NEDD4L: variants seen among roughly 807,000 people sequenced by gnomAD.
NEDD4L encodes the protein NEDD4 like E3 ubiquitin protein ligase.
In NEDD4L, 54 loss-of-function variants were observed where a neutral mutation model predicts 148.9. That is an observed-to-expected ratio of 0.36 (90% CI 0.29 to 0.45). The LOEUF (loss-of-function observed/expected upper bound fraction) is 0.45, where lower values mean the gene tolerates loss of function less well. Ranked by LOEUF, NEDD4L falls within the 20% of genes least tolerant of loss-of-function variation. The pLI, the probability that NEDD4L is intolerant of heterozygous loss-of-function variation, is 1.00. For synonymous variants in NEDD4L, 433 were observed against 440.7 expected (o/e 0.98, Z 0.22); for missense variants, 856 against 1,233.8 (o/e 0.69, Z 4.59).
Position 58,399,266 on chromosome 18 carries a change from G to T in NEDD4L, c.*2997G>T, listed in dbSNP as rs1259745447. 1 of 152,158 alleles carries T rather than the reference G, an allele frequency of 6.6e-6. No homozygotes were observed. Among genetic ancestry groups the T allele is most frequent in the African/African-American group, 2.4e-5 (1 of 41,422 alleles). The allele number at this position is 152,158 out of a possible 1,614,324, so 9.4% of individuals were successfully genotyped here. Reference sequence around the variant, plus strand: ...GTGAGGCATTCATTGTCTGTGTTGCGGTGTATTCCCAGCTTCAGTGCTCTT... The same window carrying T: ...GTGAGGCATTCATTGTCTGTGTTGCTGTGTATTCCCAGCTTCAGTGCTCTT... On this transcript the variant is annotated 3_prime_UTR_variant, in exon 31 of 31. Transcript: ENST00000400345.
rs1327638973 is a variant in NEDD4L at position 58,374,119 on chromosome 18, T to C, written c.2352+850T>C. Among the ~76,000 whole-genome samples, 3 of 152,360 alleles carry C rather than the reference T, an allele frequency of 2.0e-5. No individual in the cohort carries two copies. The East Asian group carries it at 5.8e-4, about 29-fold the overall frequency. The stretch of plus-strand genomic sequence containing the variant: ...TCTGAAAAATGAAATAGACGTGTTC[T>C]TTATTGCTAGATGTCAAAGATTGCT... On this transcript the variant is annotated intron_variant, in intron 24 of 30. Transcript: ENST00000400345.
chr18:58,295,928 G>A (rs1298223355), intron 5 of NEDD4L, among the ~76,000 whole-genome samples: 1 of 152,086 alleles, frequency 6.6e-6, no homozygotes, highest in African/African-American at 2.4e-5. Context: ...GAAGGAGTTT[G>A]GTTTGGTGAG....
intron 11 of NEDD4L, among the ~76,000 whole-genome samples, chr18:58,333,416 C>T (rs1313512191): frequency 6.6e-6 from 1 of 152,136 alleles, no homozygotes; most frequent in African/African-American, 2.4e-5. Context: ...TGTTGGGTAG[C>T]CACATATCAC....
intron 1 of NEDD4L, among the ~76,000 whole-genome samples, chr18:58,157,285 T>C (rs2035624862): frequency 6.6e-6 from 1 of 152,188 alleles, no homozygotes; most frequent in Admixed American, 6.5e-5. Context: ...CTATCCTGGC[T>C]ACTTAAAATG....
intron 5 of NEDD4L, among the ~76,000 whole-genome samples, chr18:58,300,599 T>A (rs188900002): frequency 6.6e-6 from 1 of 152,336 alleles, no homozygotes; most frequent in African/African-American, 2.4e-5. Flanking sequence ...TTCTCAGTGC[T>A]CAGTTCTCAG....
At chr18:58,309,780 C>T (rs977759868) in intron 5 of NEDD4L, among the ~76,000 whole-genome samples, 2 of 151,988 alleles carry the variant, frequency 1.3e-5, no homozygotes, top group Non-Finnish European at 2.9e-5. Flanking sequence ...GGGCAGAGAA[C>T]TGAGTGTTCT....
In NEDD4L at chr18:58,052,209, G is replaced by A. The variant is rs1709461951; in HGVS notation, c.48+7501G>A. Among the ~76,000 whole-genome samples the A allele has an allele frequency of 3.9e-5, 6 of 152,330 alleles. 1 individual carries two copies. In the South Asian group the frequency reaches 1.0e-3, roughly 26 times the overall value. On this transcript the variant is annotated intron_variant, in intron 1 of 30. Coordinates refer to ENST00000400345, the MANE Select transcript of NEDD4L (RefSeq NM_001144967.3). ...GCTGATAATTATCACAACTACTGGTGTTTGATTAGCAGAGACATTCTTGAT... is the reference window on the plus strand; with the variant it reads ...GCTGATAATTATCACAACTACTGGTATTTGATTAGCAGAGACATTCTTGAT...
intron 2 of NEDD4L, among the ~76,000 whole-genome samples, chr18:58,177,690 G>A (rs879801841): frequency 2.6e-5 from 4 of 152,300 alleles, no homozygotes; most frequent in Admixed American, 6.5e-5. Flanking sequence ...TTTTAAAAAC[G>A]CACAATCTTG....
chr18:58,358,407 G>A lies in NEDD4L; in HGVS notation c.1767+1155G>A, dbSNP rs567534082. 2.0e-5 allele frequency among the ~76,000 whole-genome samples: 3 copies of A among 152,094 alleles called. No homozygotes were observed. In the East Asian group the frequency reaches 5.8e-4, roughly 29 times the overall value. On this transcript the variant is annotated intron_variant, in intron 19 of 30. Coordinates refer to ENST00000400345, the MANE Select transcript of NEDD4L (RefSeq NM_001144967.3). ...ATATTCGCAGTCACAGTTGTTTATTGGAATATTATTTTCTCTTCTACATCA... is the reference window on the plus strand; with the variant it reads ...ATATTCGCAGTCACAGTTGTTTATTAGAATATTATTTTCTCTTCTACATCA...
intron 5 of NEDD4L, among the ~76,000 whole-genome samples, chr18:58,280,608 ACCTGTGTGCTTC>A (rs1309546566): frequency 1.3e-5 from 2 of 152,188 alleles, no homozygotes; most frequent in African/African-American, 2.4e-5. Context: ...CGAGGAAGCT[ACCTGTGTGCTTC>A]CACTAGGAAA....
At chr18:58,155,819 G>C (rs1464899906) in intron 1 of NEDD4L, among the ~76,000 whole-genome samples, 3 of 152,202 alleles carry the variant, frequency 2.0e-5, no homozygotes, top group African/African-American at 4.8e-5. Context: ...TTTGAACTGC[G>C]GCGTTGCTTT....
At chr18:58,393,532 G>A (rs968769311) in intron 30 of NEDD4L, among the ~76,000 whole-genome samples, 4 of 152,200 alleles carry the variant, frequency 2.6e-5, no homozygotes, top group African/African-American at 9.6e-5. Flanking sequence ...TAAAGCAACT[G>A]TGTAGTTTTC....
chr18:58,325,879 A>G (rs2059267735), intron 9 of NEDD4L, among the ~76,000 whole-genome samples: 1 of 152,196 alleles, frequency 6.6e-6, no homozygotes, highest in Admixed American at 6.5e-5. Context: ...ATCTAAGTCT[A>G]TTGATAATAC....
intron 6 of NEDD4L, among the ~76,000 whole-genome samples, chr18:58,317,179 T>C (rs2058362582): frequency 6.6e-6 from 1 of 152,242 alleles, no homozygotes; most frequent in Non-Finnish European, 1.5e-5. Flanking sequence ...ATATCTTGTT[T>C]GTTTCTTTTT....
chr18:58,341,547 A>G (rs1177035134), intron 14 of NEDD4L, 131 bp from the exon 15 acceptor site: 1 of 945,150 alleles, frequency 1.1e-6, no homozygotes. Context: ...ATGTTTAATT[A>G]TTTCCTCCAC....
intron 1 of NEDD4L, among the ~76,000 whole-genome samples, chr18:58,070,359 A>C (rs2144876773): frequency 6.6e-6 from 1 of 152,058 alleles, no homozygotes; most frequent in Middle Eastern, 3.4e-3. Flanking sequence ...CAACCTCCTG[A>C]ATTTAAGTGA....
chr18:58,214,812 T>G (rs1289679080), intron 2 of NEDD4L, among the ~76,000 whole-genome samples: 32 of 147,994 alleles, frequency 2.2e-4, no homozygotes, highest in African/African-American at 7.2e-4. Context: ...TTTTTTTTTT[T>G]TTTTTGTTGT....
intron 27 of NEDD4L, chr18:58,388,865 C>T (rs1602023334): frequency 8.8e-6 from 5 of 567,572 alleles, no homozygotes; most frequent in East Asian, 3.0e-5. Flanking sequence ...CCGTGGCTTG[C>T]GCAAGGTTCG....
At chr18:58,168,334 C>A (rs1198853095) in intron 2 of NEDD4L, among the ~76,000 whole-genome samples, 1 of 152,216 alleles carries the variant, frequency 6.6e-6, no homozygotes, top group African/African-American at 2.4e-5. Context: ...CTTGGTGTCT[C>A]ACTCTGGAGT....
Sources: allele counts gnomAD v4.1 joint callset (sites outside exome capture counted in the v4.1 genomes callset), GRCh38; gene constraint gnomAD v4.1.1; transcripts MANE v1.5; gene names NCBI Gene and HGNC (gene_info 2026-07-23, HGNC 2026-07-21).